The following ASIC2 variants were observed in gnomAD, a reference collection of about 807,000 sequenced individuals.
ASIC2 encodes acid-sensing ion channel 2.
A neutral mutation model predicts 57.3 loss-of-function variants in ASIC2; 25 were observed. The observed-to-expected ratio is 0.44, with a 90% confidence interval of 0.32 to 0.61. The LOEUF (loss-of-function observed/expected upper bound fraction) is 0.61, where lower values mean the gene tolerates loss of function less well. ASIC2 is among the 20% of genes least tolerant of loss of function. The pLI is 0.06. For missense variants in ASIC2, 641 were observed against 738.1 expected (o/e 0.87, Z 1.52); for synonymous variants, 319 against 307.5 (o/e 1.04, Z -0.39).
At chr17:33,336,790 T>A (rs1437129253) in intron 1 of ASIC2, among the ~76,000 whole-genome samples, 1 of 152,160 alleles carries the variant, frequency 6.6e-6, no homozygotes, top group Non-Finnish European at 1.5e-5. Flanking sequence ...CCCGGCCCAC[T>A]TTTGATTATA....
chr17:33,765,285 T>A (rs550327394), intron 1 of ASIC2, among the ~76,000 whole-genome samples: 9 of 152,144 alleles, frequency 5.9e-5, no homozygotes, highest in African/African-American at 1.9e-4. Flanking sequence ...TTTTTTTGTA[T>A]TTTTAGTAGA....
chr17:33,735,725 A>G (rs1909892275), intron 1 of ASIC2, among the ~76,000 whole-genome samples: 2 of 151,942 alleles, frequency 1.3e-5, no homozygotes, highest in South Asian at 2.1e-4. Context: ...TCCATTGAGC[A>G]CTCCCTGGGA....
chr17:33,754,152 G>T (rs1014061702), intron 1 of ASIC2, among the ~76,000 whole-genome samples: 2 of 152,032 alleles, frequency 1.3e-5, no homozygotes, highest in South Asian at 2.1e-4. Context: ...TATGGGGTAG[G>T]TTGTCTGAAT....
At chr17:33,956,221 G>C (rs1904730534) in intron 1 of ASIC2, among the ~76,000 whole-genome samples, 1 of 152,166 alleles carries the variant, frequency 6.6e-6, no homozygotes, top group South Asian at 2.1e-4. Flanking sequence ...GGGAGCGCTG[G>C]GAAAGCGCTC....
intron 1 of ASIC2, among the ~76,000 whole-genome samples, chr17:33,248,085 G>A (rs942652807): frequency 6.6e-6 from 1 of 152,244 alleles, no homozygotes; most frequent in Non-Finnish European, 1.5e-5. Context: ...GTTTGCAGCT[G>A]AAACTGGGTT....
At chr17:34,127,296 G>T (rs766446402) in intron 1 of ASIC2, among the ~76,000 whole-genome samples, 2 of 152,148 alleles carry the variant, frequency 1.3e-5, no homozygotes, top group Non-Finnish European at 2.9e-5. Context: ...TCCCTGCCTT[G>T]CCCAGTCTGT....
chr17:33,171,331 T>A (rs988830806), intron 1 of ASIC2, among the ~76,000 whole-genome samples: 2 of 152,236 alleles, frequency 1.3e-5, no homozygotes, highest in Non-Finnish European at 1.5e-5. Context: ...GCTTACTTAA[T>A]ATGTTTTAGT....
chr17:33,716,290 T>A (rs909591241), intron 1 of ASIC2, among the ~76,000 whole-genome samples: 2 of 152,208 alleles, frequency 1.3e-5, no homozygotes, highest in African/African-American at 4.8e-5. Context: ...TTTCTTTGGA[T>A]CTTACGGATA....
chr17:33,033,049 C>T (rs1057212614), intron 3 of ASIC2, among the ~76,000 whole-genome samples: 1 of 152,130 alleles, frequency 6.6e-6, no homozygotes, highest in African/African-American at 2.4e-5. Flanking sequence ...CCGAAGGATT[C>T]CTTAAGGTGA....
At chr17:33,695,715 C>T (rs960422549) in intron 1 of ASIC2, among the ~76,000 whole-genome samples, 1 of 152,120 alleles carries the variant, frequency 6.6e-6, no homozygotes, top group Non-Finnish European at 1.5e-5. Context: ...AACATAACCT[C>T]ACAGATAAAG....
intron 1 of ASIC2, among the ~76,000 whole-genome samples, chr17:34,030,570 G>A (rs991639443): frequency 6.6e-6 from 1 of 152,210 alleles, no homozygotes; most frequent in Non-Finnish European, 1.5e-5. Flanking sequence ...CGCCTCACCT[G>A]GGAAGCTCAA....
chr17:33,065,117 GT>G (rs2092037702), intron 3 of ASIC2, among the ~76,000 whole-genome samples: 2 of 152,016 alleles, frequency 1.3e-5, no homozygotes, highest in South Asian at 2.1e-4. Context: ...TTTTGAGAGT[GT>G]GTTTAATTTA....
intron 3 of ASIC2, among the ~76,000 whole-genome samples, chr17:33,037,646 C>G (rs1483518577): frequency 6.6e-6 from 1 of 152,110 alleles, no homozygotes. Flanking sequence ...GAAGAACTGT[C>G]TCAGGGAAGA....
intron 1 of ASIC2, among the ~76,000 whole-genome samples, chr17:34,034,822 T>G (rs1331898565): frequency 6.6e-6 from 1 of 152,126 alleles, no homozygotes; most frequent in African/African-American, 2.4e-5. Context: ...GAAGGACCTC[T>G]TCAAGGAGAA....
At chr17:33,160,130 G>T (rs1905121087) in intron 1 of ASIC2, among the ~76,000 whole-genome samples, 1 of 151,864 alleles carries the variant, frequency 6.6e-6, no homozygotes, top group Non-Finnish European at 1.5e-5. Context: ...GATTGCTTGA[G>T]CCTAGGAGGT....
chr17:33,230,242 C>T (rs557779423), intron 1 of ASIC2, among the ~76,000 whole-genome samples: 1 of 152,242 alleles, frequency 6.6e-6, no homozygotes, highest in Non-Finnish European at 1.5e-5. Flanking sequence ...GTGATAGAAG[C>T]CAGCTATGGG....
At chr17:33,964,127 T>A (rs1020406898) in intron 1 of ASIC2, among the ~76,000 whole-genome samples, 4 of 152,226 alleles carry the variant, frequency 2.6e-5, no homozygotes, top group African/African-American at 4.8e-5. Flanking sequence ...CAGGTGAGGC[T>A]TCAGAATCTG....
chr17:33,166,441 G>A (rs971269376), intron 1 of ASIC2, among the ~76,000 whole-genome samples: 1 of 152,220 alleles, frequency 6.6e-6, no homozygotes, highest in African/African-American at 2.4e-5. Flanking sequence ...CCAAGTACTG[G>A]CAGGGAAAGT....
intron 1 of ASIC2, among the ~76,000 whole-genome samples, chr17:33,925,949 G>A (rs983527886): frequency 1.3e-5 from 2 of 152,224 alleles, no homozygotes; most frequent in East Asian, 1.9e-4. Context: ...TATGTGCCCC[G>A]CAATGACAAG....
Sources: gnomAD v4.1 joint callset for allele counts (sites outside exome capture counted in the v4.1 genomes callset) on GRCh38, gnomAD v4.1.1 for gene constraint, MANE v1.5 for transcripts, NCBI Gene and HGNC (gene_info 2026-07-23, HGNC 2026-07-21) for gene names.